ITGA4: variants seen among roughly 807,000 people sequenced by gnomAD.
The protein encoded by ITGA4 is integrin alpha-4.
A neutral mutation model predicts 133.6 loss-of-function variants in ITGA4; 63 were observed. The observed-to-expected ratio is 0.47, with a 90% CI of 0.38 to 0.58. The LOEUF is 0.58. Ranked by LOEUF, ITGA4 falls within the 20% of genes least tolerant of loss-of-function variation. The pLI, the probability that ITGA4 is intolerant of heterozygous loss-of-function variation, is 0.00. For missense variants in ITGA4, 1,076 were observed against 1,252.7 expected, an observed-to-expected ratio of 0.86 and a Z score of 2.13; for synonymous variants, 483 against 438.0, an observed-to-expected ratio of 1.10 and a Z score of -1.28.
chr2:181,520,103 G>T (rs1301498632), intron 17 of ITGA4, among the ~76,000 whole-genome samples: 2 of 152,100 alleles, frequency 1.3e-5, no homozygotes, highest in Admixed American at 6.6e-5. Flanking sequence ...TTATAGAGGT[G>T]CCCCGTGTGC....
intron 1 of ITGA4, 67 bp downstream of exon 1, chr2:181,457,918 T>TC: frequency 7.1e-7 from 1 of 1,415,898 alleles, no homozygotes; most frequent in South Asian, 1.4e-5. Context: ...CCCTAGGGAT[T>TC]CCCTGCCCGA....
intron 17 of ITGA4, among the ~76,000 whole-genome samples, chr2:181,521,917 T>C (rs1429487700): frequency 6.6e-6 from 1 of 152,190 alleles, no homozygotes; most frequent in African/African-American, 2.4e-5. Context: ...CAAGAGGTTA[T>C]GCAGAAAAGA....
chr2:181,475,742 T>G (rs1685659463), intron 4 of ITGA4: 1 of 1,521,168 alleles, frequency 6.6e-7, no homozygotes, highest in African/African-American at 1.4e-5. Context: ...TTTTCTAATT[T>G]ACATGTTTTC....
chr2:181,458,518 T>G lies in ITGA4; in HGVS notation c.319+201T>G, dbSNP rs1022066277. On this transcript the variant is annotated intron_variant, in intron 2 of 27. Transcript: ENST00000397033. ...CTGTTAATATCGTTCTCCCTTTTCC[T>G]TATGGCAATGATTGCAGTACTCTGA... 66 of 614,020 alleles carry G rather than the reference T, an allele frequency of 1.1e-4. 1 individual carries two copies. Among genetic ancestry groups the G allele is most frequent in the South Asian group, 4.0e-5 (2 of 49,532 alleles). The allele number at this position is 614,020 out of a possible 1,614,324, so 38.0% of individuals were successfully genotyped here.
intron 15 of ITGA4, among the ~76,000 whole-genome samples, chr2:181,503,565 CTTTTTTTTT>C (rs147081320): frequency 2.7e-4 from 27 of 101,752 alleles, no homozygotes; most frequent in Admixed American, 1.5e-3. Context: ...AAGAAATTGT[CTTTTTTTTT>C]TTTTTTTTTT....
At position 181,457,439 on chromosome 2, in the gene ITGA4, G is replaced by A. The variant is rs1685146767; in HGVS notation, c.-216G>A. The A allele has an allele frequency of 3.8e-6, 2 of 521,346 alleles. No homozygotes were observed. Among genetic ancestry groups the A allele is most frequent in the Admixed American group, 7.6e-5 (2 of 26,372 alleles). The allele number at this position is 521,346 out of a possible 1,614,324, so 32.3% of individuals were successfully genotyped here. On this transcript the variant is annotated 5_prime_UTR_variant, in exon 1 of 28. Transcript: ENST00000397033. ...GCTGGCGGCAGAAACCGGGAGTGGG[G>A]CCGGGCGAGTGCGCGGCATCCCAGG... is the stretch of plus-strand genomic sequence containing the variant.
chr2:181,482,782 C>A, intron 9 of ITGA4, 131 bp downstream of exon 9: 1 of 741,478 alleles, frequency 1.3e-6, no homozygotes, highest in Non-Finnish European at 2.2e-6. Context: ...TAATACTGTA[C>A]TGATGCTCTA....
intron 16 of ITGA4, 68 bp downstream of exon 16, chr2:181,509,875 T>C: frequency 1.7e-6 from 2 of 1,202,246 alleles, no homozygotes; most frequent in Non-Finnish European, 2.4e-6. Flanking sequence ...TATGGCATAA[T>C]TCTGAAGAAG....
At chr2:181,460,566 A>AATGT (rs79689303) in intron 2 of ITGA4, among the ~76,000 whole-genome samples, 2,959 of 148,034 alleles carry the variant, frequency 0.02, 48 homozygotes, top group East Asian at 0.035. Context: ...TCTGTAGAAG[A>AATGT]GTGTGTGTGT....
At chr2:181,460,566 A>AATGTGTGT (rs79689303) in intron 2 of ITGA4, among the ~76,000 whole-genome samples, 3,379 of 148,018 alleles carry the variant, frequency 0.023, 77 homozygotes, top group East Asian at 0.051. Flanking sequence ...TCTGTAGAAG[A>AATGTGTGT]GTGTGTGTGT....
intron 7 of ITGA4, 130 bp from the exon 8 acceptor site, chr2:181,482,230 C>A: frequency 1.1e-6 from 1 of 936,666 alleles, no homozygotes; most frequent in African/African-American, 1.7e-5. Flanking sequence ...TCACTCTCAA[C>A]AGGATTTATT....
At chr2:181,494,145 G>A (rs1686112708) in intron 11 of ITGA4, among the ~76,000 whole-genome samples, 2 of 152,180 alleles carry the variant, frequency 1.3e-5, no homozygotes, top group South Asian at 4.1e-4. Context: ...CATGAAATTA[G>A]ATATGTGGAA....
intron 14 of ITGA4, among the ~76,000 whole-genome samples, chr2:181,496,178 ATCAC>A (rs578110343): frequency 6.5e-4 from 99 of 152,344 alleles, no homozygotes; most frequent in African/African-American, 2.4e-3. Context: ...AGGACATAGT[ATCAC>A]TTGCTATATT....
At chr2:181,504,474 A>G (rs527269614) in intron 15 of ITGA4, among the ~76,000 whole-genome samples, 16 of 152,162 alleles carry the variant, frequency 1.1e-4, no homozygotes, top group African/African-American at 3.9e-4. Flanking sequence ...CACATAGTTT[A>G]ATGAAATGTC....
At position 181,537,810 on chromosome 2, in the gene ITGA4, C is replaced by T; in HGVS notation, c.*2283C>T. ...ATATTTCATCTTGACTTTTAAAGCC[C>T]TAGAGGCTAATTGTTAGTAACATCA... On this transcript the variant is annotated 3_prime_UTR_variant, in exon 28 of 28. Transcript: ENST00000397033. The T allele has an allele frequency of 2.1e-6, 1 of 471,300 alleles. No homozygotes were observed. The highest frequency in any genetic ancestry group is 4.2e-6 in the Non-Finnish European group (1 of 238,642). The allele number at this position is 471,300 out of a possible 1,614,324, so 29.2% of individuals were successfully genotyped here.
At chr2:181,463,491 A>AG (rs967832115) in intron 2 of ITGA4, among the ~76,000 whole-genome samples, 4 of 152,156 alleles carry the variant, frequency 2.6e-5, no homozygotes, top group African/African-American at 9.7e-5. Flanking sequence ...GCAGTGGAGA[A>AG]GAACATGGAG....
chr2:181,527,598 C>G, intron 22 of ITGA4: 1 of 484,530 alleles, frequency 2.1e-6, no homozygotes, highest in Non-Finnish European at 3.8e-6. Context: ...GCCCATATTT[C>G]CTTACAGGAC....
chr2:181,491,620 A>ATTTTT (rs1686049837), intron 10 of ITGA4, among the ~76,000 whole-genome samples: 1 of 152,256 alleles, frequency 6.6e-6, no homozygotes, highest in Non-Finnish European at 1.5e-5. Context: ...GTTATGAAGA[A>ATTTTT]TCAATATATA....
Position 181,531,738 on chromosome 2 carries a change from C to A in ITGA4, c.2746C>A (p.His916Asn), listed in dbSNP as rs747660249. 24 of 1,603,658 alleles carry A rather than the reference C, an allele frequency of 1.5e-5. No individual in the cohort carries two copies. Among genetic ancestry groups the A allele is most frequent in the Non-Finnish European group, 2.0e-5 (24 of 1,175,416 alleles). Reference sequence around the variant, plus strand: ...GGAAAGTGGAAAAGAAGCCAGTGTTCATATCCAACTGGAAGGCCGGCCATC... The same window carrying A: ...GGAAAGTGGAAAAGAAGCCAGTGTTAATATCCAACTGGAAGGCCGGCCATC... ...KMESGKEASV[H>N]IQLEGRPSIL... Residue 916 changes from histidine (H) to asparagine (N), a missense_variant, in exon 25 of 28, where the codon CAT (histidine) becomes AAT (asparagine). By Grantham distance (68) the His-to-Asn change is moderately conservative. Coordinates refer to ENST00000397033, the MANE Select transcript of ITGA4 (RefSeq NM_000885.6).
Sources: gnomAD v4.1 joint callset for allele counts (sites outside exome capture counted in the v4.1 genomes callset) on GRCh38, gnomAD v4.1.1 for gene constraint, MANE v1.5 for transcripts, NCBI Gene and HGNC (gene_info 2026-07-23, HGNC 2026-07-21) for gene names.